Variants in NOVA2 observed in about 807,000 individuals in gnomAD.
NOVA2 encodes the protein RNA-binding protein Nova-2.
A neutral mutation model predicts 22.5 loss-of-function variants in NOVA2; 9 were observed. The ratio of observed to expected loss-of-function variants is 0.40; its 90% CI spans 0.24 to 0.70. The LOEUF (loss-of-function observed/expected upper bound fraction) is 0.70, where lower values mean the gene tolerates loss of function less well. Ranked by LOEUF, NOVA2 falls within the 30% of genes least tolerant of loss-of-function variation. NOVA2 has a pLI of 0.38. For synonymous variants in NOVA2, 318 were observed against 335.2 expected (o/e 0.95, Z 0.56); for missense variants, 383 against 682.8 (o/e 0.56, Z 4.89).
intron 2 of NOVA2, among the ~76,000 whole-genome samples, chr19:45,954,736 G>C (rs1485791990): frequency 6.7e-6 from 1 of 149,200 alleles, no homozygotes; most frequent in East Asian, 1.9e-4. Context: ...ATTTCTGCAT[G>C]AGAGTGTTAG....
At chr19:45,961,306 A>G (rs914764850) in intron 1 of NOVA2, among the ~76,000 whole-genome samples, 153 bp from the exon 2 acceptor site, 67 of 152,158 alleles carry the variant, frequency 4.4e-4, no homozygotes, top group African/African-American at 1.5e-3. Context: ...ACAAATAGTT[A>G]TTGAGCACCT....
intron 2 of NOVA2, among the ~76,000 whole-genome samples, chr19:45,954,530 G>A (rs1967974735): frequency 6.6e-6 from 1 of 151,968 alleles, no homozygotes. Context: ...GGGAGGCAGA[G>A]GAGAGGCCTG....
chr19:45,967,192 T>C (rs1052754587), intron 1 of NOVA2, among the ~76,000 whole-genome samples: 10 of 152,110 alleles, frequency 6.6e-5, no homozygotes, highest in Non-Finnish European at 1.2e-4. Context: ...AGCATCAGTC[T>C]GTGCTGGTCC....
intron 2 of NOVA2, among the ~76,000 whole-genome samples, chr19:45,960,802 C>A (rs754947473): frequency 6.6e-6 from 1 of 152,146 alleles, no homozygotes; most frequent in Non-Finnish European, 1.5e-5. Flanking sequence ...GCAGCAGGCC[C>A]GTTGTCTTGC....
intron 3 of NOVA2, among the ~76,000 whole-genome samples, chr19:45,947,036 A>T (rs188479668): frequency 2.6e-5 from 4 of 152,166 alleles, no homozygotes; most frequent in Non-Finnish European, 5.9e-5. Flanking sequence ...AAAAGGAAAA[A>T]AATCTATGCC....
intron 1 of NOVA2, among the ~76,000 whole-genome samples, chr19:45,969,672 T>G (rs547007952): frequency 9.2e-5 from 14 of 152,106 alleles, no homozygotes; most frequent in Non-Finnish European, 1.3e-4. Context: ...ACAGGGGTCA[T>G]TATTGTTGCA....
chr19:45,934,528 G>C lies in NOVA2; in HGVS notation c.*5335C>G, dbSNP rs1427814013. On this transcript the variant is annotated 3_prime_UTR_variant, in exon 4 of 4. Transcript: ENST00000263257. ...TGATAGCTTGAAATCCTTAGCGATG[G>C]GGACAGGTGAGGGGACATACCTTAA... 6.6e-6 allele frequency: 1 copy of C among 152,192 alleles called. No individual in the cohort carries two copies. Among genetic ancestry groups the C allele is most frequent in the Non-Finnish European group, 1.5e-5 (1 of 68,064 alleles). 9.4% of individuals were successfully genotyped at this position (152,192 alleles called of 1,614,324 possible).
At chr19:45,957,411 C>T (rs140421080) in intron 2 of NOVA2, among the ~76,000 whole-genome samples, 1,733 of 151,944 alleles carry the variant, frequency 0.011, 21 homozygotes, top group Non-Finnish European at 0.018. Flanking sequence ...TGGTAATGGA[C>T]GCCTGTGATC....
At chr19:45,961,577 G>T (rs1389417984) in intron 1 of NOVA2, among the ~76,000 whole-genome samples, 1 of 152,124 alleles carries the variant, frequency 6.6e-6, no homozygotes, top group Non-Finnish European at 1.5e-5. Context: ...AGGGAGGCCA[G>T]GGAAGCTCTT....
chr19:45,954,384 C>T (rs1055544398), intron 2 of NOVA2, among the ~76,000 whole-genome samples: 1 of 152,206 alleles, frequency 6.6e-6, no homozygotes, highest in African/African-American at 2.4e-5. Flanking sequence ...ACCCCCTTAT[C>T]GGTCTGGCTG....
At chr19:45,968,762 A>G (rs913904580) in intron 1 of NOVA2, among the ~76,000 whole-genome samples, 1 of 151,916 alleles carries the variant, frequency 6.6e-6, no homozygotes, top group Non-Finnish European at 1.5e-5. Context: ...TAGTGAAATA[A>G]CTCGCCTGAG....
intron 1 of NOVA2, among the ~76,000 whole-genome samples, chr19:45,965,559 G>A (rs894531575): frequency 3.3e-5 from 5 of 152,066 alleles, no homozygotes; most frequent in Non-Finnish European, 5.9e-5. Context: ...TGAAACTCCC[G>A]TCTCCACTAA....
Position 45,938,776 on chromosome 19 carries a change from T to C in NOVA2, c.*1087A>G, listed in dbSNP as rs1320787065. The stretch of plus-strand genomic sequence containing the variant: ...CAGGCCAACACCCACCAAAGAAGGG[T>C]GTGGAGGGAGAAGGCAGGTCAGAGA... On this transcript the variant is annotated 3_prime_UTR_variant, in exon 4 of 4. Coordinates refer to ENST00000263257, the MANE Select transcript of NOVA2 (RefSeq NM_002516.4). 2.0e-5 allele frequency: 3 copies of C among 151,920 alleles called. No homozygotes were observed. Among genetic ancestry groups the C allele is most frequent in the African/African-American group, 7.3e-5 (3 of 41,334 alleles). The allele number at this position is 151,920 out of a possible 1,614,324, so 9.4% of individuals were successfully genotyped here.
rs4520941 is a variant in NOVA2 at position 45,943,547 on chromosome 19, C to A, written c.397-2602G>T. Among the ~76,000 whole-genome samples the A allele has an allele frequency of 7.4e-3, 1,120 of 151,148 alleles. 16 individuals carry two copies. Among genetic ancestry groups the A allele is most frequent in the African/African-American group, 0.026 (1,075 of 41,214 alleles). On this transcript the variant is annotated intron_variant, in intron 3 of 3. Transcript: ENST00000263257. The stretch of plus-strand genomic sequence containing the variant: ...TGGGTAACATGGCATGACCCCATCT[C>A]TACAAAAAAAAAATTAAAAACATTA...
At chr19:45,943,408 C>T (rs1380337267) in intron 3 of NOVA2, among the ~76,000 whole-genome samples, 1 of 151,088 alleles carries the variant, frequency 6.6e-6, no homozygotes, top group African/African-American at 2.4e-5. Context: ...GATGAAGAGC[C>T]TGTTTTTAAA....
chr19:45,966,017 C>G (rs936657945), intron 1 of NOVA2, among the ~76,000 whole-genome samples: 5 of 152,076 alleles, frequency 3.3e-5, no homozygotes, highest in African/African-American at 1.2e-4. Flanking sequence ...GAGCAAGCAC[C>G]CTATACGTGG....
Position 45,939,814 on chromosome 19 carries a change from G to A in NOVA2, c.*49C>T. 1 of 1,606,800 alleles carries A rather than the reference G, an allele frequency of 6.2e-7. No homozygotes were observed. The highest frequency in any genetic ancestry group is 8.5e-7 in the Non-Finnish European group (1 of 1,175,694). On this transcript the variant is annotated 3_prime_UTR_variant, in exon 4 of 4. Transcript: ENST00000263257. ...AGTTGGGGGGGAGGAGGAGAGGGAA[G>A]AGGAGGAGATGGGAGGAGAGAAAAG...
intron 2 of NOVA2, among the ~76,000 whole-genome samples, chr19:45,958,409 G>GGT (rs750912559): frequency 2.0e-5 from 3 of 151,530 alleles, no homozygotes; most frequent in African/African-American, 7.3e-5. Context: ...GTGTGAGTGG[G>GGT]GTGTGTGTGA....
At chr19:45,947,061 T>C (rs76214155) in intron 3 of NOVA2, among the ~76,000 whole-genome samples, 3,893 of 152,240 alleles carry the variant, frequency 0.026, 161 homozygotes, top group African/African-American at 0.089. Context: ...CATTCCCTTT[T>C]CCTCTTCTCC....
Sources: gnomAD v4.1 joint callset for allele counts (sites outside exome capture counted in the v4.1 genomes callset) on GRCh38, gnomAD v4.1.1 for gene constraint, MANE v1.5 for transcripts, NCBI Gene and HGNC (gene_info 2026-07-23, HGNC 2026-07-21) for gene names.